Variants in ZBTB20 observed in about 807,000 individuals in gnomAD.
The protein encoded by ZBTB20 is zinc finger and BTB domain containing 20.
Under a neutral mutation model 56.9 loss-of-function variants are expected in ZBTB20, and 9 were observed. That is an observed-to-expected ratio of 0.16 (90% CI 0.10 to 0.28). The LOEUF (loss-of-function observed/expected upper bound fraction) is 0.28. Among genes scored for constraint, ZBTB20 ranks in the 10% least tolerant of loss-of-function variants. The probability of loss-of-function intolerance (pLI) is 1.00; values close to 1 mark genes in which losing one functional copy is unlikely to be tolerated. For missense variants in ZBTB20, 655 were observed against 1,003.0 expected, an observed-to-expected ratio of 0.65 and a Z score of 4.69; for synonymous variants, 417 against 420.7, an observed-to-expected ratio of 0.99 and a Z score of 0.11.
intron 6 of ZBTB20, among the ~76,000 whole-genome samples, chr3:114,667,654 T>C (rs1161508801): frequency 2.6e-5 from 4 of 152,084 alleles, no homozygotes; most frequent in African/African-American, 9.7e-5. Flanking sequence ...ATGTGTTAGG[T>C]AATAATGATG....
chr3:114,656,500 T>C (rs866290772), intron 6 of ZBTB20, among the ~76,000 whole-genome samples: 11 of 152,144 alleles, frequency 7.2e-5, no homozygotes, highest in Non-Finnish European at 1.3e-4. Context: ...GACTGGTTGA[T>C]ATTGTTGTAC....
intron 7 of ZBTB20, among the ~76,000 whole-genome samples, chr3:114,411,815 G>C (rs2087985555): frequency 6.6e-6 from 1 of 152,130 alleles, no homozygotes; most frequent in South Asian, 2.1e-4. Flanking sequence ...GGAGTGGAAG[G>C]ACGATTTTAA....
chr3:114,897,205 T>C (rs1458635219), intron 4 of ZBTB20, among the ~76,000 whole-genome samples: 1 of 152,156 alleles, frequency 6.6e-6, no homozygotes, highest in Admixed American at 6.6e-5. Context: ...ATTGAGACCA[T>C]ACTAATAATA....
intron 5 of ZBTB20, among the ~76,000 whole-genome samples, chr3:114,789,979 A>T (rs2070819408): frequency 6.6e-6 from 1 of 152,112 alleles, no homozygotes; most frequent in Admixed American, 6.6e-5. Flanking sequence ...TATACACCAA[A>T]GCACGGTGAA....
chr3:114,361,632 C>G (rs1391616736), intron 10 of ZBTB20, among the ~76,000 whole-genome samples: 1 of 152,136 alleles, frequency 6.6e-6, no homozygotes, highest in African/African-American at 2.4e-5. Flanking sequence ...AATGTCTGTT[C>G]TCTAAAATGA....
intron 7 of ZBTB20, among the ~76,000 whole-genome samples, chr3:114,418,603 G>A (rs1313921924): frequency 6.7e-6 from 1 of 149,066 alleles, no homozygotes; most frequent in African/African-American, 2.4e-5. Context: ...AAAAAATCAA[G>A]CAGTGAGAAC....
intron 3 of ZBTB20, among the ~76,000 whole-genome samples, chr3:114,907,384 G>A (rs2075360488): frequency 6.6e-6 from 1 of 151,792 alleles, no homozygotes; most frequent in African/African-American, 2.4e-5. Context: ...CATTAAAATT[G>A]TTTTCTGTCT....
intron 6 of ZBTB20, among the ~76,000 whole-genome samples, chr3:114,534,466 C>G (rs942273887): frequency 6.6e-5 from 10 of 152,260 alleles, no homozygotes; most frequent in African/African-American, 2.4e-4. Context: ...GCACCTAATA[C>G]AGGAGCACCC....
intron 1 of ZBTB20, among the ~76,000 whole-genome samples, chr3:115,127,353 G>C (rs887424406): frequency 6.6e-6 from 1 of 152,188 alleles, no homozygotes; most frequent in African/African-American, 2.4e-5. Flanking sequence ...ACTTTGGGAG[G>C]CTAAGGCAGG....
chr3:114,857,279 T>C (rs2075296187), intron 4 of ZBTB20, among the ~76,000 whole-genome samples: 1 of 152,204 alleles, frequency 6.6e-6, no homozygotes, highest in African/African-American at 2.4e-5. Context: ...AGCCACCTTC[T>C]AAGTGCTCTC....
At chr3:114,530,057 T>C (rs776084697) in intron 6 of ZBTB20, among the ~76,000 whole-genome samples, 1 of 152,234 alleles carries the variant, frequency 6.6e-6, no homozygotes, top group Non-Finnish European at 1.5e-5. Context: ...CCTAGTGATG[T>C]CATAGTGATC....
chr3:114,769,265 A>G (rs1215189267), intron 5 of ZBTB20, among the ~76,000 whole-genome samples: 2 of 151,984 alleles, frequency 1.3e-5, no homozygotes, highest in Non-Finnish European at 2.9e-5. Context: ...ATCACTTATA[A>G]TTGCTACATA....
At chr3:115,141,814 T>C (rs1041513353) in intron 1 of ZBTB20, among the ~76,000 whole-genome samples, 2 of 152,208 alleles carry the variant, frequency 1.3e-5, no homozygotes, top group African/African-American at 4.8e-5. Context: ...TAAAATGCAC[T>C]GTACACATGC....
chr3:115,056,313 A>G (rs769265399), intron 2 of ZBTB20, among the ~76,000 whole-genome samples: 3 of 152,144 alleles, frequency 2.0e-5, no homozygotes, highest in East Asian at 1.9e-4. Context: ...AATGTTTATT[A>G]TCGATGAGAG....
At chr3:114,721,384 C>T (rs774058413) in intron 5 of ZBTB20, among the ~76,000 whole-genome samples, 2 of 152,092 alleles carry the variant, frequency 1.3e-5, no homozygotes, top group African/African-American at 2.4e-5. Flanking sequence ...TGCAACAACC[C>T]AGGTACTATG....
At chr3:114,648,728 T>C (rs1461200799) in intron 6 of ZBTB20, among the ~76,000 whole-genome samples, 1 of 152,010 alleles carries the variant, frequency 6.6e-6, no homozygotes, top group Non-Finnish European at 1.5e-5. Context: ...GGAATTTGTC[T>C]CAATGTATTT....
In ZBTB20 at chr3:114,785,334, A is replaced by G. The variant is rs2070403053; in HGVS notation, c.-343+15767T>C. On this transcript the variant is annotated intron_variant, in intron 5 of 11. Transcript: ENST00000675478. ...TCTCAGCCAGTTAGATGAAAAACAC[A>G]TAATACAACAGGAAAGGATAATCTT... 2.0e-5 allele frequency among the ~76,000 whole-genome samples: 3 copies of G among 152,224 alleles called. No individual in the cohort carries two copies. In the South Asian group the frequency reaches 6.2e-4, roughly 32 times the overall value.
Position 115,071,300 on chromosome 3 carries a change from C to T in ZBTB20, c.-588G>A, listed in dbSNP as rs977879583. On this transcript the variant is annotated 5_prime_UTR_variant, in exon 2 of 12. Transcript: ENST00000675478. ...ATCATAGGCATGGGTGTGAGATCAA[C>T]TGGAGATTCAAGGAAGCTAAAGTGC... 6.6e-6 allele frequency: 1 copy of T among 152,072 alleles called. No individual in the cohort carries two copies. The highest frequency in any genetic ancestry group is 2.4e-5 in the African/African-American group (1 of 41,410). The allele number at this position is 152,072 out of a possible 1,614,324, so 9.4% of individuals were successfully genotyped here.
chr3:114,790,708 G>A (rs1191222463), intron 5 of ZBTB20, among the ~76,000 whole-genome samples: 2 of 151,376 alleles, frequency 1.3e-5, no homozygotes, highest in African/African-American at 4.9e-5. Flanking sequence ...AAGAAAATCA[G>A]TGAGGTACTC....
Sources: allele counts gnomAD v4.1 joint callset (sites outside exome capture counted in the v4.1 genomes callset), GRCh38; gene constraint gnomAD v4.1.1; transcripts MANE v1.5; gene names NCBI Gene and HGNC (gene_info 2026-07-23, HGNC 2026-07-21).